Variants in USP6NL observed in about 807,000 individuals in gnomAD.
USP6NL encodes USP6 N-terminal like, also known as USP6 N-terminal-like protein.
USP6NL carries 26 observed loss-of-function variants against 61.9 expected under a neutral mutation model. The ratio of observed to expected loss-of-function variants is 0.42; its 90% CI spans 0.31 to 0.58. The LOEUF is 0.58. Ranked by LOEUF, USP6NL falls within the 20% of genes least tolerant of loss-of-function variation. USP6NL has a pLI of 0.16. For synonymous variants in USP6NL, 432 were observed against 390.1 expected, an observed-to-expected ratio of 1.11 and a Z score of -1.27; for missense variants, 1,114 against 1,034.3, an observed-to-expected ratio of 1.08 and a Z score of -1.06.
chr10:11,519,115 A>G, intron 4 of USP6NL, among the ~76,000 whole-genome samples: 1 of 150,430 alleles, frequency 6.6e-6, no homozygotes, highest in East Asian at 1.9e-4. Flanking sequence ...GACACTACGT[A>G]AATCAAGTGT....
At chr10:11,565,003 A>C (rs1292802328) in intron 2 of USP6NL, 1 of 152,216 alleles carries the variant, frequency 6.6e-6, no homozygotes, top group East Asian at 1.9e-4. Flanking sequence ...CACAGTAACA[A>C]GTAGAGAAGT....
intron 2 of USP6NL, among the ~76,000 whole-genome samples, chr10:11,552,009 T>C (rs550187934): frequency 1.4e-3 from 217 of 152,248 alleles, no homozygotes; most frequent in African/African-American, 4.9e-3. Context: ...GTAAATAATA[T>C]AGTATTTATA....
intron 5 of USP6NL, among the ~76,000 whole-genome samples, chr10:11,516,225 G>A (rs1278490400): frequency 6.6e-6 from 1 of 152,100 alleles, no homozygotes; most frequent in Non-Finnish European, 1.5e-5. Flanking sequence ...ACAGAGAACT[G>A]CCTTATGTAA....
In USP6NL at chr10:11,462,363, C is replaced by G. The variant is rs2096217829; in HGVS notation, c.*78G>C. ...CGAGTTGTTTACAATAGTATAAATA[C>G]TGCTTTGGCAATTATGAACATAGCA... On this transcript the variant is annotated 3_prime_UTR_variant, in exon 15 of 15. Transcript: ENST00000609104. The G allele has an allele frequency of 2.0e-6, 3 of 1,476,404 alleles. No individual in the cohort carries two copies. In the South Asian group the frequency reaches 4.1e-5, roughly 20 times the overall value. 91.5% of individuals were successfully genotyped at this position (1,476,404 alleles called of 1,614,324 possible).
rs930444768 is a variant in USP6NL at position 11,511,865 on chromosome 10, T to C, written c.196-2190A>G. Among the ~76,000 whole-genome samples, 1 of 151,892 alleles carries C rather than the reference T, an allele frequency of 6.6e-6. No individual in the cohort carries two copies. The highest frequency in any genetic ancestry group is 2.1e-4 in the South Asian group (1 of 4,820). ...CACACACACACCCCTTGGGAAGCTA[T>C]AGGATCCGAAAATTATGTATCAGTA... On this transcript the variant is annotated intron_variant, in intron 5 of 14. Transcript: ENST00000609104. The surrounding 1 kb of genome is among the most constrained non-coding windows in gnomAD (Gnocchi z 4.9).
In USP6NL at chr10:11,518,477, A is replaced by G; in HGVS notation, c.195+58T>C. ...TAAAATCACAAAGGTGGTCAATTTTATTCTTCTAATAAAGGCAATTCACCA... is the reference window on the plus strand; with the variant it reads ...TAAAATCACAAAGGTGGTCAATTTTGTTCTTCTAATAAAGGCAATTCACCA... On this transcript the variant is annotated intron_variant, in intron 5 of 14. Transcript: ENST00000609104. The surrounding 1 kb of genome is among the most constrained non-coding windows in gnomAD (Gnocchi z 5.3). 1 of 1,470,354 alleles carries G rather than the reference A, an allele frequency of 6.8e-7. No homozygotes were observed. Among genetic ancestry groups the G allele is most frequent in the Non-Finnish European group, 9.5e-7 (1 of 1,054,006 alleles). The allele number at this position is 1,470,354 out of a possible 1,614,324, so 91.1% of individuals were successfully genotyped here.
In USP6NL at chr10:11,496,722, T is replaced by C; in HGVS notation, c.385-3494A>G. On this transcript the variant is annotated intron_variant, in intron 7 of 14. Transcript: ENST00000609104. This position sits in a 1 kb window ranked among gnomAD's most constrained non-coding sequence, Gnocchi z 5.4. Reference sequence around the variant, plus strand: ...CAATAAATATACATAAAAACATAACTGTTCCCGACTTCAGCTAAAAGTGGA... The same window carrying C: ...CAATAAATATACATAAAAACATAACCGTTCCCGACTTCAGCTAAAAGTGGA... 6.6e-6 allele frequency among the ~76,000 whole-genome samples: 1 copy of C among 152,108 alleles called. No individual in the cohort carries two copies. The highest frequency in any genetic ancestry group is 6.5e-5 in the Admixed American group (1 of 15,270).
chr10:11,533,943 ACTACCTCAGCCT>A (rs976642796), intron 2 of USP6NL, among the ~76,000 whole-genome samples: 2 of 152,162 alleles, frequency 1.3e-5, no homozygotes, highest in African/African-American at 2.4e-5. Flanking sequence ...CCTCTTCTTG[ACTACCTCAGCCT>A]CTACCTCAGC....
Position 11,485,976 on chromosome 10 carries a change from C to T in USP6NL, c.665-65G>A, listed in dbSNP as rs969395906. 8.3e-6 allele frequency: 9 copies of T among 1,085,980 alleles called. No homozygotes were observed. Among genetic ancestry groups the T allele is most frequent in the Non-Finnish European group, 1.2e-5 (9 of 768,440 alleles). The allele number at this position is 1,085,980 out of a possible 1,614,324, so 67.3% of individuals were successfully genotyped here. ...CCAACAAAACCCTCCAATCTTAAAA[C>T]ACAACATATTTCATTTGTAACTGTC... On this transcript the variant is annotated intron_variant, in intron 10 of 14. Coordinates refer to ENST00000609104, the MANE Select transcript of USP6NL (RefSeq NM_014688.5). The surrounding 1 kb of genome is among the most constrained non-coding windows in gnomAD (Gnocchi z 4.8).
intron 1 of USP6NL, among the ~76,000 whole-genome samples, chr10:11,603,602 C>T (rs1457067060): frequency 6.6e-6 from 1 of 152,136 alleles, no homozygotes; most frequent in Non-Finnish European, 1.5e-5. Flanking sequence ...ATTCCAGGCC[C>T]TATCTTCAAA....
At chr10:11,580,341 C>T (rs1383947959) in intron 2 of USP6NL, among the ~76,000 whole-genome samples, 1 of 152,010 alleles carries the variant, frequency 6.6e-6, no homozygotes, top group South Asian at 2.1e-4. Context: ...AAAGCCTTAG[C>T]CTTTTGCATA....
At chr10:11,519,172 T>G (rs1835097483) in intron 4 of USP6NL, among the ~76,000 whole-genome samples, 1 of 152,190 alleles carries the variant, frequency 6.6e-6, no homozygotes, top group African/African-American at 2.4e-5. Flanking sequence ...GTGAGCTGGA[T>G]CTGCTCCACA....
intron 2 of USP6NL, among the ~76,000 whole-genome samples, chr10:11,544,047 G>A (rs1461817509): frequency 3.3e-5 from 5 of 151,920 alleles, no homozygotes; most frequent in African/African-American, 9.7e-5. Context: ...TCCTGACCTC[G>A]TGATCCACCT....
chr10:11,531,318 AT>A (rs1220575048), intron 2 of USP6NL, among the ~76,000 whole-genome samples: 2 of 151,502 alleles, frequency 1.3e-5, no homozygotes, highest in East Asian at 3.9e-4. Flanking sequence ...CAACTACTTT[AT>A]TTTTTTTCTT....
intron 2 of USP6NL, among the ~76,000 whole-genome samples, chr10:11,543,271 G>A (rs1836137712): frequency 6.6e-6 from 1 of 152,206 alleles, no homozygotes; most frequent in Non-Finnish European, 1.5e-5. Flanking sequence ...GCCGGGAGCA[G>A]TGGCTCACAC....
rs538651203 is a variant in USP6NL at position 11,553,249 on chromosome 10, G to T, written c.5-25682C>A. Among the ~76,000 whole-genome samples the T allele has an allele frequency of 6.6e-6, 1 of 152,166 alleles. No homozygotes were observed. On this transcript the variant is annotated intron_variant, in intron 2 of 14. Coordinates refer to ENST00000609104, the MANE Select transcript of USP6NL (RefSeq NM_014688.5). The surrounding 1 kb of genome is among the most constrained non-coding windows in gnomAD (Gnocchi z 4.8). ...AAAAAGCTGTTTCAAGACAGTGTAC[G>T]ATAATCCCAAGTGTGATCTATTGGG...
In USP6NL at chr10:11,485,889, A is replaced by G. The variant is rs1322210733; in HGVS notation, c.687T>C (p.Pro229=). The change falls in exon 11 of 15, where the codon CCT becomes CCC. Residue 229 remains proline, a synonymous_variant. Coordinates refer to ENST00000609104, the MANE Select transcript of USP6NL (RefSeq NM_014688.5). The surrounding 1 kb of genome is among the most constrained non-coding windows in gnomAD (Gnocchi z 4.8). ...AMHGFFVQGF[P]KLLRFQEHHE... ...GATGTTCTTGAAACCTCAAGAGTTT[A>G]GGAAAACCTTGGACAAAAAAGCCTA... is the stretch of plus-strand genomic sequence containing the variant. 1 of 1,553,010 alleles carries G rather than the reference A, an allele frequency of 6.4e-7. No homozygotes were observed. Among genetic ancestry groups the G allele is most frequent in the Non-Finnish European group, 8.7e-7 (1 of 1,148,734 alleles).
chr10:11,474,697 G>C lies in USP6NL; in HGVS notation c.1078+7073C>G, dbSNP rs1480535728. ...ATAGAAAATTTGTCCTTGAATTAAT[G>C]ATTTTTTTTAAAAAAAACTTGCATC... On this transcript the variant is annotated intron_variant, in intron 14 of 14. Coordinates refer to ENST00000609104, the MANE Select transcript of USP6NL (RefSeq NM_014688.5). The surrounding 1 kb of genome is among the most constrained non-coding windows in gnomAD (Gnocchi z 4.9). 6.6e-6 allele frequency among the ~76,000 whole-genome samples: 1 copy of C among 151,854 alleles called. No homozygotes were observed. The highest frequency in any genetic ancestry group is 2.4e-5 in the African/African-American group (1 of 41,236).
At chr10:11,576,683 A>C (rs904746779) in intron 2 of USP6NL, among the ~76,000 whole-genome samples, 2 of 152,252 alleles carry the variant, frequency 1.3e-5, no homozygotes, top group Non-Finnish European at 2.9e-5. Context: ...TATCCAGCTT[A>C]TGATATTTTG....
Sources: allele counts gnomAD v4.1 joint callset (sites outside exome capture counted in the v4.1 genomes callset), GRCh38; gene constraint gnomAD v4.1.1; non-coding constraint Gnocchi (gnomAD v3.1); transcripts MANE v1.5; gene names NCBI Gene and HGNC (gene_info 2026-07-23, HGNC 2026-07-21).